The following DPP6 variants were observed in gnomAD, a reference collection of about 807,000 sequenced individuals.
The protein encoded by DPP6 is dipeptidyl peptidase like 6.
DPP6 carries 69 observed loss-of-function variants against 122.6 expected under a neutral mutation model. The observed-to-expected ratio is 0.56, with a 90% confidence interval of 0.46 to 0.69. The LOEUF is 0.69. Ranked by LOEUF, DPP6 falls within the 30% of genes least tolerant of loss-of-function variation. DPP6 has a pLI of 0.00. For missense variants in DPP6, 928 were observed against 1,116.9 expected, an observed-to-expected ratio of 0.83 and a Z score of 2.41; for synonymous variants, 418 against 433.1, an observed-to-expected ratio of 0.97 and a Z score of 0.43.
chr7:153,916,409 C>A (rs1159151087), intron 1 of DPP6, among the ~76,000 whole-genome samples: 4 of 131,178 alleles, frequency 3.0e-5, no homozygotes, highest in Non-Finnish European at 4.9e-5. Flanking sequence ...CTCCCCTCCT[C>A]TCTCCTCCCC....
At chr7:154,669,768 A>T (rs1354387453) in intron 7 of DPP6, among the ~76,000 whole-genome samples, 1 of 152,192 alleles carries the variant, frequency 6.6e-6, no homozygotes, top group East Asian at 1.9e-4. Context: ...CATTAAAAGA[A>T]CTGCAGATGA....
intron 1 of DPP6, among the ~76,000 whole-genome samples, chr7:154,336,302 C>T (rs765182334): frequency 2.6e-5 from 4 of 152,122 alleles, no homozygotes; most frequent in Non-Finnish European, 5.9e-5. Flanking sequence ...AGATGCACGG[C>T]GTCTCATCTC....
intron 22 of DPP6, among the ~76,000 whole-genome samples, chr7:154,886,011 C>A (rs1326246796): frequency 1.3e-5 from 2 of 152,250 alleles, no homozygotes; most frequent in Non-Finnish European, 2.9e-5. Context: ...ACAGCTAGTA[C>A]TCCGCTGGCA....
intron 16 of DPP6, among the ~76,000 whole-genome samples, chr7:154,851,833 C>T (rs542963854): frequency 6.6e-6 from 1 of 152,248 alleles, no homozygotes; most frequent in South Asian, 2.1e-4. Context: ...ATCTGGCAGC[C>T]CCATCTGTGG....
At position 154,486,105 on chromosome 7, in the gene DPP6, G is replaced by A. The variant is rs1001598200; in HGVS notation, c.457+11068G>A. Among the ~76,000 whole-genome samples the A allele has an allele frequency of 6.6e-6, 1 of 151,628 alleles. No individual in the cohort carries two copies. The highest frequency in any genetic ancestry group is 1.5e-5 in the Non-Finnish European group (1 of 67,934). ...CTGCCTCAGTGTACCTTGCCTCCCCGGTCTCCTCACCACCCCTACTCATGG... is the reference window on the plus strand; with the variant it reads ...CTGCCTCAGTGTACCTTGCCTCCCCAGTCTCCTCACCACCCCTACTCATGG... On this transcript the variant is annotated intron_variant, in intron 3 of 25. Coordinates refer to ENST00000377770, the MANE Select transcript of DPP6 (RefSeq NM_130797.4). The surrounding 1 kb of genome is among the most constrained non-coding windows in gnomAD (Gnocchi z 4.5).
the DPP6 span, among the ~76,000 whole-genome samples, chr7:153,803,816 G>A: frequency 6.7e-6 from 1 of 148,700 alleles, no homozygotes; most frequent in Non-Finnish European, 1.5e-5. Context: ...TGTATATATA[G>A]AAACAGATAA....
At chr7:154,862,682 G>A (rs913052831) in intron 17 of DPP6, among the ~76,000 whole-genome samples, 3 of 152,104 alleles carry the variant, frequency 2.0e-5, no homozygotes, top group Non-Finnish European at 1.5e-5. Flanking sequence ...CCGCTCATCC[G>A]TGGGCTGGAG....
chr7:154,066,122 C>T (rs1802709234), intron 1 of DPP6, among the ~76,000 whole-genome samples: 1 of 146,310 alleles, frequency 6.8e-6, no homozygotes, highest in Non-Finnish European at 1.5e-5. Flanking sequence ...TGCAGTGATA[C>T]AAACTCAGCT....
chr7:154,866,948 C>T (rs1803921108), intron 17 of DPP6, among the ~76,000 whole-genome samples: 1 of 151,004 alleles, frequency 6.6e-6, no homozygotes, highest in Non-Finnish European at 1.5e-5. Flanking sequence ...ATTTGACCTC[C>T]AGCTGCCCCG....
chr7:154,233,861 G>A (rs1039733139), intron 1 of DPP6, among the ~76,000 whole-genome samples: 5 of 152,174 alleles, frequency 3.3e-5, no homozygotes, highest in African/African-American at 9.7e-5. Flanking sequence ...AAAGAGAAGC[G>A]AAGCAAAACT....
intron 4 of DPP6, among the ~76,000 whole-genome samples, chr7:154,555,518 A>G (rs1829964569): frequency 6.6e-6 from 1 of 152,156 alleles, no homozygotes; most frequent in Non-Finnish European, 1.5e-5. Flanking sequence ...CTAATGCTAA[A>G]TGACGAGTTA....
At chr7:154,557,909 C>T (rs1830157536) in intron 4 of DPP6, among the ~76,000 whole-genome samples, 1 of 152,134 alleles carries the variant, frequency 6.6e-6, no homozygotes, top group Admixed American at 6.5e-5. Flanking sequence ...CTCACAAAAT[C>T]TATTTAAGTA....
chr7:153,826,256 G>T, the DPP6 span, among the ~76,000 whole-genome samples: 30 of 152,288 alleles, frequency 2.0e-4, no homozygotes, highest in African/African-American at 7.0e-4. Flanking sequence ...ACAGATAAAA[G>T]TCAGCTTTGG....
At chr7:154,002,223 G>C (rs200087830) in intron 1 of DPP6, among the ~76,000 whole-genome samples, 1 of 151,840 alleles carries the variant, frequency 6.6e-6, no homozygotes, top group Non-Finnish European at 1.5e-5. Context: ...CATGTCATGC[G>C]TATTTTTGTA....
chr7:153,981,032 G>A (rs1796557304), intron 1 of DPP6, among the ~76,000 whole-genome samples: 1 of 152,144 alleles, frequency 6.6e-6, no homozygotes, highest in South Asian at 2.1e-4. Context: ...GTTGATTTGG[G>A]GTGGAGAGTT....
intron 2 of DPP6, among the ~76,000 whole-genome samples, chr7:154,447,419 A>G (rs532373010): frequency 2.0e-5 from 3 of 152,334 alleles, no homozygotes; most frequent in Admixed American, 6.5e-5. Flanking sequence ...CTATTTGTGC[A>G]GGCAAAAAAG....
Position 153,913,717 on chromosome 7 carries a change from T to C in DPP6, c.51+25983T>C, listed in dbSNP as rs575803183. Among the ~76,000 whole-genome samples the C allele has an allele frequency of 2.2e-4, 34 of 152,236 alleles. No individual in the cohort carries two copies. In the South Asian group the frequency reaches 6.6e-3, roughly 30 times the overall value. ...TTTGCTTTTTCAGACCTTAGAAACA[T>C]GTTAAAGTCTTGCAAAGGAGCCCTT... On this transcript the variant is annotated intron_variant, in intron 1 of 25. Transcript: ENST00000404039.
At chr7:154,060,415 GA>G (rs765783397) in intron 1 of DPP6, among the ~76,000 whole-genome samples, 2 of 135,828 alleles carry the variant, frequency 1.5e-5, no homozygotes, top group African/African-American at 3.0e-5. Context: ...GCAGAGGGGG[GA>G]GGCACCCCCC....
At chr7:154,511,259 C>T (rs992628370) in intron 3 of DPP6, among the ~76,000 whole-genome samples, 2 of 152,054 alleles carry the variant, frequency 1.3e-5, no homozygotes, top group South Asian at 4.2e-4. Context: ...CATGCATTAT[C>T]TCTTTTAATT....
Sources: allele counts gnomAD v4.1 joint callset (sites outside exome capture counted in the v4.1 genomes callset), GRCh38; gene constraint gnomAD v4.1.1; non-coding constraint Gnocchi (gnomAD v3.1); transcripts MANE v1.5; gene names NCBI Gene and HGNC (gene_info 2026-07-23, HGNC 2026-07-21).